Variants in ADAMTS20 observed in about 807,000 individuals in gnomAD.
ADAMTS20 encodes A disintegrin and metalloproteinase with thrombospondin motifs 20.
ADAMTS20 carries 225 observed loss-of-function variants against 260.1 expected under a neutral mutation model. The observed-to-expected ratio is 0.87, with a 90% CI of 0.78 to 0.97. The LOEUF (loss-of-function observed/expected upper bound fraction) is 0.97, where lower values mean the gene tolerates loss of function less well. Ranked by LOEUF, ADAMTS20 falls within the 50% of genes least tolerant of loss-of-function variation. The pLI, the probability that ADAMTS20 is intolerant of heterozygous loss-of-function variation, is 0.00. For synonymous variants in ADAMTS20, 802 were observed against 769.5 expected (o/e 1.04, Z -0.70); for missense variants, 2,400 against 2,337.7 (o/e 1.03, Z -0.55).
chr12:43,361,488 C>A (rs1187414611), intron 37 of ADAMTS20, among the ~76,000 whole-genome samples: 1 of 152,244 alleles, frequency 6.6e-6, no homozygotes, highest in Non-Finnish European at 1.5e-5. Context: ...GAAAACCATG[C>A]AAGAGAGACA....
chr12:43,471,351 G>A (rs991619324), intron 7 of ADAMTS20, among the ~76,000 whole-genome samples: 5 of 145,266 alleles, frequency 3.4e-5, no homozygotes, highest in African/African-American at 7.6e-5. Flanking sequence ...ACGGAGTCTC[G>A]CTGTTTGCTA....
chr12:43,418,392 C>T (rs1325864990), intron 28 of ADAMTS20, among the ~76,000 whole-genome samples: 1 of 152,212 alleles, frequency 6.6e-6, no homozygotes, highest in African/African-American at 2.4e-5. Context: ...TCACTGCAAC[C>T]TCCGCCTCCC....
intron 28 of ADAMTS20, among the ~76,000 whole-genome samples, chr12:43,412,594 C>T (rs944661784): frequency 6.6e-6 from 1 of 151,986 alleles, no homozygotes; most frequent in South Asian, 2.1e-4. Context: ...CAATTTTAGA[C>T]GAGAAATGCT....
chr12:43,383,784 A>C lies in ADAMTS20; in HGVS notation c.4626+20T>G, dbSNP rs1366866454. 1 of 1,613,482 alleles carries C rather than the reference A, an allele frequency of 6.2e-7. No homozygotes were observed. Among genetic ancestry groups the C allele is most frequent in the Non-Finnish European group, 8.5e-7 (1 of 1,179,522 alleles). On this transcript the variant is annotated intron_variant, in intron 30 of 38. Coordinates refer to ENST00000389420, the MANE Select transcript of ADAMTS20 (RefSeq NM_025003.5). Reference sequence around the variant, plus strand: ...ATTCTTATATGCAGTGTCTTTGAAAATTTACATGTCGATACTCACATTCAG... The same window carrying C: ...ATTCTTATATGCAGTGTCTTTGAAACTTTACATGTCGATACTCACATTCAG...
At chr12:43,416,354 A>T (rs1268086716) in intron 28 of ADAMTS20, among the ~76,000 whole-genome samples, 1 of 151,974 alleles carries the variant, frequency 6.6e-6, no homozygotes, top group Non-Finnish European at 1.5e-5. Context: ...CAGTCCAAAA[A>T]AAAAAATCAA....
intron 3 of ADAMTS20, among the ~76,000 whole-genome samples, chr12:43,523,935 C>G (rs1943106589): frequency 6.6e-6 from 1 of 151,258 alleles, no homozygotes; most frequent in Admixed American, 6.6e-5. Context: ...TGGCCCCATA[C>G]ATCACCCAAG....
intron 3 of ADAMTS20, among the ~76,000 whole-genome samples, chr12:43,522,404 C>T (rs147379383): frequency 6.6e-6 from 1 of 152,292 alleles, no homozygotes; most frequent in East Asian, 1.9e-4. Flanking sequence ...GGACACAGAG[C>T]CAAAGCATGT....
chr12:43,383,480 A>G (rs1940398243), intron 31 of ADAMTS20, 78 bp downstream of exon 31: 2 of 1,410,748 alleles, frequency 1.4e-6, no homozygotes, highest in Non-Finnish European at 1.9e-6. Flanking sequence ...TTTTATACCC[A>G]GTTTCAGCTG....
chr12:43,462,066 T>G (rs767388111), intron 11 of ADAMTS20, among the ~76,000 whole-genome samples: 2 of 152,154 alleles, frequency 1.3e-5, no homozygotes, highest in African/African-American at 2.4e-5. Flanking sequence ...AGAAAAGCAA[T>G]AGCTATTATA....
Position 43,377,516 on chromosome 12 carries a change from C to A in ADAMTS20, c.4844G>T (p.Cys1615Phe). The change falls in exon 32 of 39, where the codon TGC (cysteine) becomes TTC (phenylalanine). Residue 1615 changes from cysteine to phenylalanine, a missense_variant. By Grantham distance (205) the Cys-to-Phe change is radical. Transcript: ENST00000389420. ...GFSYRQRITY[C>F]TEIPSTKKHK... Reference sequence around the variant, plus strand: ...TTTCTTAGTAGATGGGATCTCGGTGCAATATGTAATCCTTTGTCTGTAACT... The same window carrying A: ...TTTCTTAGTAGATGGGATCTCGGTGAAATATGTAATCCTTTGTCTGTAACT... 1.2e-6 allele frequency: 2 copies of A among 1,612,938 alleles called. No homozygotes were observed. The highest frequency in any genetic ancestry group is 1.7e-6 in the Non-Finnish European group (2 of 1,179,398).
At chr12:43,518,178 A>C (rs1018036737) in intron 3 of ADAMTS20, among the ~76,000 whole-genome samples, 8 of 152,112 alleles carry the variant, frequency 5.3e-5, no homozygotes, top group South Asian at 2.1e-4. Context: ...AACTAAAGAC[A>C]ATTCATCTAA....
At chr12:43,488,797 G>A (rs1942559818) in intron 7 of ADAMTS20, among the ~76,000 whole-genome samples, 1 of 152,010 alleles carries the variant, frequency 6.6e-6, no homozygotes, top group Admixed American at 6.6e-5. Context: ...AAAGTATAAA[G>A]AAAAAACTAA....
intron 28 of ADAMTS20, among the ~76,000 whole-genome samples, chr12:43,419,897 C>A (rs1941196943): frequency 6.6e-6 from 1 of 152,128 alleles, no homozygotes; most frequent in Non-Finnish European, 1.5e-5. Flanking sequence ...ACTATACATC[C>A]ATCTACATTC....
At chr12:43,539,886 ATT>A (rs11437185) in intron 2 of ADAMTS20, among the ~76,000 whole-genome samples, 36 of 146,504 alleles carry the variant, frequency 2.5e-4, no homozygotes, top group Middle Eastern at 3.6e-3. Flanking sequence ...TTAACCATAG[ATT>A]TTTTTTTTTT....
chr12:43,545,696 C>T (rs1382770329), intron 2 of ADAMTS20, among the ~76,000 whole-genome samples: 1 of 152,190 alleles, frequency 6.6e-6, no homozygotes, highest in Non-Finnish European at 1.5e-5. Context: ...CTGGCCAAGT[C>T]TGGCTCAAGG....
intron 11 of ADAMTS20, among the ~76,000 whole-genome samples, chr12:43,456,792 G>T (rs922841557): frequency 6.6e-6 from 1 of 152,150 alleles, no homozygotes; most frequent in African/African-American, 2.4e-5. Context: ...AAAAGAGCAG[G>T]AGTACAAGCC....
At chr12:43,417,788 C>T (rs1327630452) in intron 28 of ADAMTS20, among the ~76,000 whole-genome samples, 1 of 152,184 alleles carries the variant, frequency 6.6e-6, no homozygotes, top group African/African-American at 2.4e-5. Context: ...AGATTTACTA[C>T]ATGGGGCTAT....
At chr12:43,387,158 T>C (rs965280863) in intron 29 of ADAMTS20, among the ~76,000 whole-genome samples, 3 of 152,182 alleles carry the variant, frequency 2.0e-5, no homozygotes, top group African/African-American at 7.2e-5. Flanking sequence ...TTGGTGACCA[T>C]TGGATGGGGT....
intron 18 of ADAMTS20, among the ~76,000 whole-genome samples, chr12:43,436,583 C>T (rs1941559983): frequency 6.6e-6 from 1 of 152,046 alleles, no homozygotes; most frequent in African/African-American, 2.4e-5. Flanking sequence ...ATGCATTTAA[C>T]ACTTACAGCA....
Sources: gnomAD v4.1 joint callset for allele counts (sites outside exome capture counted in the v4.1 genomes callset) on GRCh38, gnomAD v4.1.1 for gene constraint, MANE v1.5 for transcripts, NCBI Gene and HGNC (gene_info 2026-07-23, HGNC 2026-07-21) for gene names.